SESTD1: variants seen among roughly 807,000 people sequenced by gnomAD.
SESTD1 encodes the protein SEC14 and spectrin domain containing 1.
SESTD1 carries 43 observed loss-of-function variants against 101.7 expected under a neutral mutation model. That is an observed-to-expected ratio of 0.42 (90% CI 0.33 to 0.55). SESTD1 has a LOEUF of 0.55. SESTD1 is among the 20% of genes least tolerant of loss of function. The pLI is 0.07. For missense variants in SESTD1, 647 were observed against 815.1 expected (o/e 0.79, Z 2.51); for synonymous variants, 283 against 286.8 (o/e 0.99, Z 0.13).
intron 1 of SESTD1, among the ~76,000 whole-genome samples, chr2:179,195,450 C>T (rs1474953124): frequency 1.3e-5 from 2 of 152,192 alleles, no homozygotes; most frequent in East Asian, 3.8e-4. Context: ...TGAATTAAAC[C>T]TCCTTTGTTT....
chr2:179,184,539 T>C (rs1241733529), intron 2 of SESTD1, among the ~76,000 whole-genome samples: 1 of 151,934 alleles, frequency 6.6e-6, no homozygotes, highest in Non-Finnish European at 1.5e-5. Context: ...TATTTTTTGT[T>C]CAGAATATGT....
rs1336589722 is a variant in SESTD1, at chr2:179,107,211, C to CT, written c.*2687dup. On this transcript the variant is annotated 3_prime_UTR_variant, in exon 18 of 18. Transcript: ENST00000428443. ...GCTTTGACCCTATGGAAGAAAGTTG[C>CT]TTTAGGGCATTACTGGATTTTCATT... 1 of 152,074 alleles carries CT rather than the reference C, an allele frequency of 6.6e-6. No individual in the cohort carries two copies. Among genetic ancestry groups the CT allele is most frequent in the Non-Finnish European group, 1.5e-5 (1 of 68,000 alleles). The allele number at this position is 152,074 out of a possible 1,614,324, so 9.4% of individuals were successfully genotyped here. A position where few individuals can be genotyped will look rare whatever the true frequency, so the allele number is the denominator to read the frequency against.
At chr2:179,257,039 C>G (rs533686695) in intron 1 of SESTD1, among the ~76,000 whole-genome samples, 1 of 152,010 alleles carries the variant, frequency 6.6e-6, no homozygotes, top group African/African-American at 2.4e-5. Context: ...ACGCTACCAC[C>G]CAGCATCTCA....
chr2:179,199,041 A>G (rs1344494237), intron 1 of SESTD1, among the ~76,000 whole-genome samples: 2 of 152,214 alleles, frequency 1.3e-5, no homozygotes, highest in Non-Finnish European at 2.9e-5. Context: ...AGGATCAACA[A>G]AATTGATAGA....
At chr2:179,256,544 G>A (rs1276157697) in intron 1 of SESTD1, among the ~76,000 whole-genome samples, 2 of 152,188 alleles carry the variant, frequency 1.3e-5, no homozygotes, top group African/African-American at 2.4e-5. Context: ...CGGGCACGGT[G>A]TCTTACGCCT....
intron 1 of SESTD1, among the ~76,000 whole-genome samples, chr2:179,200,572 A>G (rs2046491947): frequency 6.6e-6 from 1 of 152,124 alleles, no homozygotes; most frequent in Non-Finnish European, 1.5e-5. Flanking sequence ...ACCAAAACAG[A>G]GATATAGATC....
Position 179,124,365 on chromosome 2 carries a change from T to C in SESTD1, c.1166A>G (p.Asp389Gly), listed in dbSNP as rs147627596. The C allele has an allele frequency of 6.2e-7, 1 of 1,613,504 alleles. No homozygotes were observed. The stretch of plus-strand genomic sequence containing the variant: ...AAAAGAATCAGAATAGACACTTACA[T>C]CTTGGGCAACACCATGAAATTCAAG... ...AALEFHGVAQDLSQQLDGLLG... is the reference protein window; with the variant it reads ...AALEFHGVAQGLSQQLDGLLG... The change falls in exon 11 of 18, where the codon GAT becomes GGT. Residue 389 changes from aspartate (D) to glycine (G), a missense_variant and splice_region_variant. Around this residue, in one of 3 missense-constraint regions of SESTD1, gnomAD observed 476 missense variants for 562.6 expected, o/e 0.85. Transcript: ENST00000428443.
intron 1 of SESTD1, among the ~76,000 whole-genome samples, chr2:179,196,900 C>T (rs1274275105): frequency 6.6e-6 from 1 of 152,206 alleles, no homozygotes; most frequent in Non-Finnish European, 1.5e-5. Context: ...AAGCAGAGCG[C>T]CTCTCCTCCT....
intron 1 of SESTD1, among the ~76,000 whole-genome samples, chr2:179,217,941 G>A (rs2046749374): frequency 6.6e-6 from 1 of 151,978 alleles, no homozygotes; most frequent in African/African-American, 2.4e-5. Flanking sequence ...GAGAACACTT[G>A]GACACAGGGC....
In SESTD1 at chr2:179,108,735, A is replaced by T. The variant is rs767446727; in HGVS notation, c.*1164T>A. On this transcript the variant is annotated 3_prime_UTR_variant, in exon 18 of 18. Coordinates refer to ENST00000428443, the MANE Select transcript of SESTD1 (RefSeq NM_178123.5). ...AATATTTTAAAAAATGTTCTGAAAT[A>T]AAAATACATAAAATTTAAATTATAT... The T allele has an allele frequency of 6.6e-6, 1 of 152,140 alleles. No homozygotes were observed. Among genetic ancestry groups the T allele is most frequent in the Non-Finnish European group, 1.5e-5 (1 of 68,006 alleles). 9.4% of individuals were successfully genotyped at this position (152,140 alleles called of 1,614,324 possible). A position where few individuals can be genotyped will look rare whatever the true frequency, so the allele number is the denominator to read the frequency against.
rs888416761 is a variant in SESTD1 at position 179,155,985 on chromosome 2, C to T, written c.370-4594G>A. On this transcript the variant is annotated intron_variant, in intron 5 of 17. Coordinates refer to ENST00000428443, the MANE Select transcript of SESTD1 (RefSeq NM_178123.5). ...GCTCCCACATATCAGCGAGAACACA[C>T]GATGTTTGGTTTTCCATTCCTGAGT... 5.9e-5 allele frequency among the ~76,000 whole-genome samples: 9 copies of T among 152,220 alleles called. No homozygotes were observed. In the South Asian group the frequency reaches 6.2e-4, roughly 11 times the overall value.
At chr2:179,180,081 T>C (rs1045830761) in intron 3 of SESTD1, among the ~76,000 whole-genome samples, 10 of 152,186 alleles carry the variant, frequency 6.6e-5, no homozygotes, top group Non-Finnish European at 1.3e-4. Context: ...CTCATGAATA[T>C]CCAAAATACT....
chr2:179,109,342 T>C lies in SESTD1; in HGVS notation c.*557A>G, dbSNP rs968983277. 5 of 176,072 alleles carry C rather than the reference T, an allele frequency of 2.8e-5. No individual in the cohort carries two copies. Among genetic ancestry groups the C allele is most frequent in the African/African-American group, 1.2e-4 (5 of 42,622 alleles). 10.9% of individuals were successfully genotyped at this position (176,072 alleles called of 1,614,324 possible). A position where few individuals can be genotyped will look rare whatever the true frequency, so the allele number is the denominator to read the frequency against. On this transcript the variant is annotated 3_prime_UTR_variant, in exon 18 of 18. Transcript: ENST00000428443. Reference sequence around the variant, plus strand: ...AAGTCTTTTATTAAGCACAAACAACTTTTAATACATTATCAATACAAATAG... The same window carrying C: ...AAGTCTTTTATTAAGCACAAACAACCTTTAATACATTATCAATACAAATAG...
chr2:179,260,587 G>A (rs2047469361), intron 1 of SESTD1, among the ~76,000 whole-genome samples: 1 of 152,050 alleles, frequency 6.6e-6, no homozygotes, highest in South Asian at 2.1e-4. Context: ...ATGATTTCTA[G>A]TAAACGTTTA....
At chr2:179,161,692 A>C (rs1283251184) in intron 5 of SESTD1, among the ~76,000 whole-genome samples, 1 of 152,158 alleles carries the variant, frequency 6.6e-6, no homozygotes, top group Non-Finnish European at 1.5e-5. Context: ...ATGCCATCAA[A>C]AATACAGCGG....
At chr2:179,185,315 A>T (rs906146940) in intron 2 of SESTD1, among the ~76,000 whole-genome samples, 1 of 148,608 alleles carries the variant, frequency 6.7e-6, no homozygotes, top group African/African-American at 2.5e-5. Flanking sequence ...TCAGAGTATA[A>T]TATATAATAT....
At chr2:179,246,644 T>C (rs1442400426) in intron 1 of SESTD1, among the ~76,000 whole-genome samples, 1 of 152,134 alleles carries the variant, frequency 6.6e-6, no homozygotes, top group East Asian at 1.9e-4. Flanking sequence ...AATATAAATT[T>C]CTCCCCAAAT....
At chr2:179,229,749 T>TTGAGTATATATATA (rs1491118463) in intron 1 of SESTD1, among the ~76,000 whole-genome samples, 97 of 106,356 alleles carry the variant, frequency 9.1e-4, no homozygotes, top group African/African-American at 3.2e-3. Context: ...TTGTAAGAAC[T>TTGAGTATATATATA]TATATATATA....
chr2:179,158,771 G>T (rs554848215), intron 5 of SESTD1, among the ~76,000 whole-genome samples: 51 of 152,142 alleles, frequency 3.4e-4, no homozygotes, highest in Non-Finnish European at 6.6e-4. Context: ...TTCACTGGTG[G>T]CTATTAAAAG....
Sources: gnomAD v4.1 joint callset for allele counts (sites outside exome capture counted in the v4.1 genomes callset) on GRCh38, gnomAD v4.1.1 for gene constraint, gnomAD v4.1.1 regional missense constraint, MANE v1.5 for transcripts, NCBI Gene and HGNC (gene_info 2026-07-23, HGNC 2026-07-21) for gene names.